Variants in CACNA1D observed in about 807,000 individuals in gnomAD.
The protein encoded by CACNA1D is voltage-dependent L-type calcium channel subunit alpha-1D.
In CACNA1D, 55 loss-of-function variants were observed where a neutral mutation model predicts 257.1. The observed-to-expected ratio is 0.21, with a 90% CI of 0.17 to 0.27. The LOEUF is 0.27. Among genes scored for constraint, CACNA1D ranks in the 10% least tolerant of loss-of-function variants. The pLI, the probability that CACNA1D is intolerant of heterozygous loss-of-function variation, is 1.00. For synonymous variants in CACNA1D, 980 were observed against 1,014.9 expected (o/e 0.97, Z 0.65); for missense variants, 1,876 against 2,784.0 (o/e 0.67, Z 7.34).
intron 3 of CACNA1D, among the ~76,000 whole-genome samples, chr3:53,616,202 G>A (rs2093634614): frequency 6.6e-6 from 1 of 152,150 alleles, no homozygotes; most frequent in African/African-American, 2.4e-5. Context: ...GAGGTATGAT[G>A]TGTTCTTCTC....
chr3:53,705,884 A>G (rs2094683423), intron 9 of CACNA1D, among the ~76,000 whole-genome samples: 1 of 152,198 alleles, frequency 6.6e-6, no homozygotes, highest in Admixed American at 6.5e-5. Context: ...AGAAAACCAC[A>G]CAAGGAGAGG....
chr3:53,636,807 T>C (rs2093889493), intron 3 of CACNA1D, among the ~76,000 whole-genome samples: 1 of 152,230 alleles, frequency 6.6e-6, no homozygotes, highest in South Asian at 2.1e-4. Context: ...CTTCCTATAA[T>C]TGATGCTTAA....
chr3:53,709,687 T>C (rs561386898), intron 9 of CACNA1D, among the ~76,000 whole-genome samples: 1 of 152,290 alleles, frequency 6.6e-6, no homozygotes, highest in South Asian at 2.1e-4. Flanking sequence ...CATGGAATCA[T>C]GGGGCTGCAA....
At chr3:53,636,772 G>A (rs1019339965) in intron 3 of CACNA1D, among the ~76,000 whole-genome samples, 4 of 152,088 alleles carry the variant, frequency 2.6e-5, no homozygotes, top group African/African-American at 9.7e-5. Context: ...ACATTTCATG[G>A]AGACAGGAAT....
intron 3 of CACNA1D, among the ~76,000 whole-genome samples, chr3:53,585,936 A>C (rs2093207753): frequency 6.6e-6 from 1 of 152,014 alleles, no homozygotes; most frequent in Non-Finnish European, 1.5e-5. Context: ...TACCACGGGG[A>C]TTTGTGAGAG....
At chr3:53,622,375 C>A (rs1186205244) in intron 3 of CACNA1D, among the ~76,000 whole-genome samples, 2 of 152,072 alleles carry the variant, frequency 1.3e-5, no homozygotes, top group Non-Finnish European at 2.9e-5. Flanking sequence ...AAAAACATGT[C>A]CACAAAAATA....
intron 5 of CACNA1D, among the ~76,000 whole-genome samples, chr3:53,661,654 G>A (rs2094204922): frequency 6.6e-6 from 1 of 152,198 alleles, no homozygotes; most frequent in African/African-American, 2.4e-5. Flanking sequence ...TATGGTATGT[G>A]TTGTGTGCAG....
chr3:53,767,774 C>T (rs891535114), intron 30 of CACNA1D, among the ~76,000 whole-genome samples: 2 of 152,118 alleles, frequency 1.3e-5, no homozygotes, highest in Admixed American at 6.5e-5. Flanking sequence ...CCTCAGGGTT[C>T]TTTAAATTTG....
rs149645041 is a variant in CACNA1D, at chr3:53,801,477, C to T, written c.5408+52C>T. 1.5e-4 allele frequency: 238 copies of T among 1,606,592 alleles called. 1 individual carries two copies. In the South Asian group the frequency reaches 1.6e-3, roughly 11 times the overall value. ...GCTCATGTGGTGTCTGCCCGTGTTG[C>T]GTCTAGTCCCAAGGAGCAAGGCGGG... On this transcript the variant is annotated intron_variant, in intron 42 of 47. Coordinates refer to ENST00000350061, the MANE Select transcript of CACNA1D (RefSeq NM_001128840.3).
At chr3:53,510,437 T>C (rs968206376) in intron 3 of CACNA1D, among the ~76,000 whole-genome samples, 3 of 152,252 alleles carry the variant, frequency 2.0e-5, no homozygotes, top group Admixed American at 2.0e-4. Context: ...TGTATGAATG[T>C]ACCACAGTTT....
At position 53,723,838 on chromosome 3, in the gene CACNA1D, A is replaced by G. The variant is rs368260280; in HGVS notation, c.1939A>G (p.Met647Val). 3 of 1,614,134 alleles carry G rather than the reference A, an allele frequency of 1.9e-6. No individual in the cohort carries two copies. The highest frequency in any genetic ancestry group is 2.5e-6 in the Non-Finnish European group (3 of 1,179,996). Residue 647 changes from methionine to valine, a missense_variant, in exon 14 of 48, where the codon ATG (methionine) becomes GTG (valine). This residue lies in a region of CACNA1D where 257 missense variants were observed against 399.7 expected (regional missense o/e 0.64). Transcript: ENST00000350061. The surrounding 1 kb of genome is among the most constrained non-coding windows in gnomAD (Gnocchi z 5.6). The stretch of plus-strand genomic sequence containing the variant: ...CTTAGTGGCATCCTTATTAAACTCC[A>G]TGAAGTCCATCGCTTCGCTGTTGCT... ...SNLVASLLNSMKSIASLLLLL... is the reference protein window; with the variant it reads ...SNLVASLLNSVKSIASLLLLL...
intron 3 of CACNA1D, among the ~76,000 whole-genome samples, chr3:53,587,964 G>A (rs1024112713): frequency 6.6e-6 from 1 of 151,966 alleles, no homozygotes; most frequent in Non-Finnish European, 1.5e-5. Flanking sequence ...TCCATCAAGT[G>A]GTTCTGCCCA....
chr3:53,598,258 T>C (rs1350774667), intron 3 of CACNA1D, among the ~76,000 whole-genome samples: 1 of 152,018 alleles, frequency 6.6e-6, no homozygotes, highest in African/African-American at 2.4e-5. Flanking sequence ...TTGGGTTGTG[T>C]TCTATTGATG....
chr3:53,666,675 C>T, intron 7 of CACNA1D, 140 bp downstream of exon 7: 1 of 768,032 alleles, frequency 1.3e-6, no homozygotes, highest in Non-Finnish European at 2.3e-6. Context: ...GCTGTCTTTA[C>T]CAGCAGTCTT....
At position 53,780,018 on chromosome 3, in the gene CACNA1D, G is replaced by C. The variant is rs1391719733; in HGVS notation, c.4588-8G>C. The C allele has an allele frequency of 6.3e-7, 1 of 1,596,914 alleles. No homozygotes were observed. The highest frequency in any genetic ancestry group is 8.6e-7 in the Non-Finnish European group (1 of 1,164,306). On this transcript the variant is annotated splice_region_variant and splice_polypyrimidine_tract_variant and intron_variant, in intron 37 of 47. Transcript: ENST00000350061. ...ATTCTACAAAGAAACCTTCCTTTCTGTTTACAGAGATTAGTTGCCATGAAC... is the reference window on the plus strand; with the variant it reads ...ATTCTACAAAGAAACCTTCCTTTCTCTTTACAGAGATTAGTTGCCATGAAC...
At chr3:53,550,448 C>G (rs1388198243) in intron 3 of CACNA1D, among the ~76,000 whole-genome samples, 1 of 152,204 alleles carries the variant, frequency 6.6e-6, no homozygotes, top group African/African-American at 2.4e-5. Flanking sequence ...ACCCTGCATT[C>G]CTTGACTCTT....
chr3:53,570,375 A>G (rs1406022887), intron 3 of CACNA1D, among the ~76,000 whole-genome samples: 2 of 152,226 alleles, frequency 1.3e-5, no homozygotes, highest in African/African-American at 4.8e-5. Context: ...TAAACACTCC[A>G]TGAATACTTG....
At chr3:53,600,014 G>A (rs149985860) in intron 3 of CACNA1D, among the ~76,000 whole-genome samples, 1,907 of 152,340 alleles carry the variant, frequency 0.013, 17 homozygotes, top group Non-Finnish European at 0.021. Flanking sequence ...GGAAGAAATT[G>A]GTTTCTCAGC....
chr3:53,518,182 C>A (rs2091418250), intron 3 of CACNA1D, among the ~76,000 whole-genome samples: 1 of 152,192 alleles, frequency 6.6e-6, no homozygotes, highest in South Asian at 2.1e-4. Flanking sequence ...CTCTGTAGAA[C>A]TGAGAGGACT....
Sources: allele counts gnomAD v4.1 joint callset (sites outside exome capture counted in the v4.1 genomes callset), GRCh38; gene constraint gnomAD v4.1.1; regional missense constraint gnomAD v4.1.1; non-coding constraint Gnocchi (gnomAD v3.1); transcripts MANE v1.5; gene names NCBI Gene and HGNC (gene_info 2026-07-23, HGNC 2026-07-21).